DPP10: variants seen among roughly 807,000 people sequenced by gnomAD.
DPP10 encodes the protein dipeptidyl peptidase like 10, also known as inactive dipeptidyl peptidase 10.
In DPP10, 33 loss-of-function variants were observed where a neutral mutation model predicts 120.9. The ratio of observed to expected loss-of-function variants is 0.27; its 90% CI spans 0.21 to 0.37. The LOEUF (loss-of-function observed/expected upper bound fraction) is 0.37, where lower values mean the gene tolerates loss of function less well. Among genes scored for constraint, DPP10 ranks in the 10% least tolerant of loss-of-function variants. The probability of loss-of-function intolerance (pLI) is 1.00; values close to 1 mark genes in which losing one functional copy is unlikely to be tolerated. For missense variants in DPP10, 816 were observed against 942.8 expected (o/e 0.87, Z 1.76); for synonymous variants, 337 against 326.1 (o/e 1.03, Z -0.36).
At chr2:114,603,312 T>G (rs1437155095) in intron 1 of DPP10, among the ~76,000 whole-genome samples, 1 of 152,064 alleles carries the variant, frequency 6.6e-6, no homozygotes, top group African/African-American at 2.4e-5. Flanking sequence ...AATGATATGA[T>G]ATAATGAAAA....
chr2:114,467,727 C>T (rs890192875), intron 1 of DPP10, among the ~76,000 whole-genome samples: 7 of 152,142 alleles, frequency 4.6e-5, no homozygotes, highest in Non-Finnish European at 7.4e-5. Flanking sequence ...TGGCCAGGCA[C>T]GGCGGCTCAC....
At chr2:115,064,131 C>A (rs2105409996) in intron 1 of DPP10, among the ~76,000 whole-genome samples, 1 of 152,188 alleles carries the variant, frequency 6.6e-6, no homozygotes, top group South Asian at 2.1e-4. Context: ...CATTTGTTTT[C>A]TCTTCTTTCT....
At chr2:115,054,192 T>C (rs1705718618) in intron 1 of DPP10, among the ~76,000 whole-genome samples, 2 of 152,198 alleles carry the variant, frequency 1.3e-5, no homozygotes, top group African/African-American at 4.8e-5. Context: ...CTTTATGTAA[T>C]ATGATTATTA....
At chr2:114,883,785 C>G (rs969400504) in intron 1 of DPP10, among the ~76,000 whole-genome samples, 1 of 152,200 alleles carries the variant, frequency 6.6e-6, no homozygotes, top group Non-Finnish European at 1.5e-5. Context: ...GCCTCACTCA[C>G]AGGTCTGGCA....
At chr2:115,728,020 A>G in intron 8 of DPP10, 84 bp downstream of exon 8, 1 of 1,450,384 alleles carries the variant, frequency 6.9e-7, no homozygotes, top group Non-Finnish European at 9.3e-7. Flanking sequence ...TTCATTCCGG[A>G]GCAATACTTA....
At chr2:114,579,594 A>G (rs764106804) in intron 1 of DPP10, among the ~76,000 whole-genome samples, 1 of 152,188 alleles carries the variant, frequency 6.6e-6, no homozygotes, top group African/African-American at 2.4e-5. Flanking sequence ...ACACCAAGTT[A>G]TTTCTCAAGC....
At chr2:115,510,840 T>C (rs1339686832) in intron 4 of DPP10, among the ~76,000 whole-genome samples, 1 of 152,194 alleles carries the variant, frequency 6.6e-6, no homozygotes, top group Non-Finnish European at 1.5e-5. Context: ...TTTTTCCATC[T>C]AAAAATCATA....
chr2:115,486,407 G>C (rs1156822560), intron 3 of DPP10, among the ~76,000 whole-genome samples: 3 of 152,154 alleles, frequency 2.0e-5, no homozygotes, highest in Non-Finnish European at 4.4e-5. Flanking sequence ...ATGCAGTTTA[G>C]ATGTTACTTT....
intron 3 of DPP10, among the ~76,000 whole-genome samples, chr2:115,494,819 A>C (rs2076308644): frequency 6.6e-6 from 1 of 152,156 alleles, no homozygotes; most frequent in African/African-American, 2.4e-5. Context: ...AGTTTCTCAG[A>C]GAACTGATTT....
intron 5 of DPP10, among the ~76,000 whole-genome samples, chr2:115,534,793 T>A (rs1421227548): frequency 6.6e-6 from 1 of 151,404 alleles, no homozygotes; most frequent in Non-Finnish European, 1.5e-5. Flanking sequence ...ACTTTTTTAA[T>A]GATTGCCATT....
At chr2:115,129,832 C>T (rs7567644) in intron 1 of DPP10, among the ~76,000 whole-genome samples, 6 of 151,996 alleles carry the variant, frequency 3.9e-5, no homozygotes, top group Admixed American at 2.0e-4. Flanking sequence ...ATTCAGAATA[C>T]GCATTTAAAC....
intron 1 of DPP10, among the ~76,000 whole-genome samples, chr2:115,097,623 A>G (rs1019539789): frequency 1.3e-5 from 2 of 152,182 alleles, no homozygotes; most frequent in Admixed American, 1.3e-4. Context: ...TGCTTAAAGT[A>G]CATACCGGCA....
chr2:114,924,754 C>T (rs1297526141), intron 1 of DPP10, among the ~76,000 whole-genome samples: 1 of 151,692 alleles, frequency 6.6e-6, no homozygotes, highest in Non-Finnish European at 1.5e-5. Flanking sequence ...ATTCTAGCCC[C>T]TCAGGGCAAC....
chr2:115,742,729 A>G (rs1559099578), intron 9 of DPP10, among the ~76,000 whole-genome samples: 1 of 152,108 alleles, frequency 6.6e-6, no homozygotes, highest in Non-Finnish European at 1.5e-5. Context: ...TATTGTTTCA[A>G]TTCACTCTTA....
At chr2:115,509,996 T>C (rs774947749) in intron 4 of DPP10, among the ~76,000 whole-genome samples, 4 of 152,214 alleles carry the variant, frequency 2.6e-5, no homozygotes, top group Non-Finnish European at 5.9e-5. Context: ...TGATCATTTG[T>C]ATATCTTTGT....
At chr2:114,815,371 C>T (rs537869734) in intron 1 of DPP10, among the ~76,000 whole-genome samples, 1 of 152,240 alleles carries the variant, frequency 6.6e-6, no homozygotes, top group East Asian at 1.9e-4. Context: ...GAAGTGGCCC[C>T]CGTTCTCAAG....
intron 1 of DPP10, chr2:114,833,709 A>G (rs1329073062): frequency 6.6e-6 from 1 of 152,206 alleles, no homozygotes; most frequent in Non-Finnish European, 1.5e-5. Flanking sequence ...CCACTATTAC[A>G]TACGTCATTG....
At chr2:114,910,166 A>G (rs1033682033) in intron 1 of DPP10, among the ~76,000 whole-genome samples, 3 of 151,898 alleles carry the variant, frequency 2.0e-5, no homozygotes, top group Admixed American at 1.3e-4. Context: ...ATAAATGTAT[A>G]CACACACATA....
At chr2:115,025,845 T>G (rs1703421231) in intron 1 of DPP10, among the ~76,000 whole-genome samples, 1 of 152,000 alleles carries the variant, frequency 6.6e-6, no homozygotes, top group East Asian at 1.9e-4. Flanking sequence ...TTTAATAAGA[T>G]ATTTTGTGGG....
Sources: allele counts gnomAD v4.1 joint callset (sites outside exome capture counted in the v4.1 genomes callset), GRCh38; gene constraint gnomAD v4.1.1; transcripts MANE v1.5; gene names NCBI Gene and HGNC (gene_info 2026-07-23, HGNC 2026-07-21).